LGR6: variants seen among roughly 807,000 people sequenced by gnomAD.
LGR6 encodes leucine rich repeat containing G protein-coupled receptor 6.
A neutral mutation model predicts 69.4 loss-of-function variants in LGR6; 45 were observed. The ratio of observed to expected loss-of-function variants is 0.65; its 90% confidence interval spans 0.51 to 0.83. The LOEUF is 0.83. Ranked by LOEUF, LGR6 falls within the 40% of genes least tolerant of loss-of-function variation. The pLI is 0.00. For synonymous variants in LGR6, 538 were observed against 555.0 expected (o/e 0.97, Z 0.43); for missense variants, 1,108 against 1,246.7 (o/e 0.89, Z 1.68).
chr1:202,239,379 GT>G (rs1661966417), intron 4 of LGR6, among the ~76,000 whole-genome samples: 2 of 130,818 alleles, frequency 1.5e-5, no homozygotes, highest in Admixed American at 7.4e-5. Context: ...GTGTGTGTGT[GT>G]GTGTGGTGTG....
At chr1:202,215,849 G>A (rs1195593131) in intron 1 of LGR6, among the ~76,000 whole-genome samples, 2 of 152,198 alleles carry the variant, frequency 1.3e-5, no homozygotes, top group African/African-American at 4.8e-5. Flanking sequence ...CTGAGATTAG[G>A]AGATGACAGT....
chr1:202,285,636 A>G (rs769231117), intron 6 of LGR6, among the ~76,000 whole-genome samples: 12 of 152,120 alleles, frequency 7.9e-5, no homozygotes, highest in Non-Finnish European at 1.5e-4. Context: ...TTAATGTTGG[A>G]TGGAATGTGT....
chr1:202,305,073 C>G (rs1424261307), intron 11 of LGR6, among the ~76,000 whole-genome samples: 1 of 152,198 alleles, frequency 6.6e-6, no homozygotes, highest in Middle Eastern at 3.4e-3. Context: ...ATCTGAGGCT[C>G]CTCATCAGGG....
chr1:202,271,241 C>T (rs777519073), intron 4 of LGR6, among the ~76,000 whole-genome samples: 7 of 152,110 alleles, frequency 4.6e-5, no homozygotes, highest in African/African-American at 9.7e-5. Context: ...ATTCTGCTGG[C>T]GGCTCGGAGA....
intron 1 of LGR6, among the ~76,000 whole-genome samples, chr1:202,220,672 C>T (rs969392851): frequency 2.0e-5 from 3 of 152,142 alleles, no homozygotes; most frequent in African/African-American, 7.2e-5. Flanking sequence ...GTGCTACATG[C>T]ATGGTAAGTG....
chr1:202,263,169 C>G (rs1339313245), intron 4 of LGR6, among the ~76,000 whole-genome samples: 2 of 152,104 alleles, frequency 1.3e-5, no homozygotes, highest in Non-Finnish European at 2.9e-5. Context: ...GTTGCCCAGG[C>G]TGGAGTGCAG....
rs772678480 is a variant in LGR6, at chr1:202,318,231, G to A, written c.1928G>A (p.Arg643Gln). 50 of 1,611,656 alleles carry A rather than the reference G, an allele frequency of 3.1e-5. No homozygotes were observed. The highest frequency in any genetic ancestry group is 2.3e-4 in the South Asian group (21 of 90,918). Residue 643 changes from arginine (R) to glutamine (Q), a missense_variant, in exon 18 of 18, where the codon CGG becomes CAG. Physicochemically the swap from Arg to Gln is conservative, Grantham distance 43 (BLOSUM62 1). Coordinates refer to ENST00000367278, the MANE Select transcript of LGR6 (RefSeq NM_001017403.2). ...CGCTGGGAGACGGGGCTAGGCTGCC[G>A]GGCCACTGGCTTCCTGGCAGTACTT... Reference protein sequence around the residue: ...GARWETGLGCRATGFLAVLGS... With the variant: ...GARWETGLGCQATGFLAVLGS...
At chr1:202,300,505 A>C (rs1327773423) in intron 7 of LGR6, among the ~76,000 whole-genome samples, 1 of 152,116 alleles carries the variant, frequency 6.6e-6, no homozygotes, top group African/African-American at 2.4e-5. Context: ...AAATCAAAAA[A>C]TTAGCGAGGT....
At position 202,225,463 on chromosome 1, in the gene LGR6, C is replaced by A. The variant is rs747891603; in HGVS notation, c.253C>A (p.Leu85Ile). 6.2e-7 allele frequency: 1 copy of A among 1,614,004 alleles called. No individual in the cohort carries two copies. The highest frequency in any genetic ancestry group is 8.5e-7 in the Non-Finnish European group (1 of 1,179,908). ...MNNLTELQPG[L>I]FHHLRFLEEL... ...CAACCTCACAGAGCTTCAGCCTGGC[C>A]TCTTCCACCACCTGCGCTTCTTGGA... Residue 85 changes from leucine (L) to isoleucine (I), a missense_variant, in exon 2 of 18, where the codon CTC (leucine) becomes ATC (isoleucine). By Grantham distance (5) the Leu-to-Ile change is conservative. Coordinates refer to ENST00000367278, the MANE Select transcript of LGR6 (RefSeq NM_001017403.2).
intron 7 of LGR6, 44 bp downstream of exon 7, chr1:202,297,620 G>A: frequency 6.5e-7 from 1 of 1,546,764 alleles, no homozygotes; most frequent in Non-Finnish European, 8.9e-7. Context: ...TCTGTCCCAA[G>A]GGCAGGGGCT....
Position 202,307,326 on chromosome 1 carries a change from G to A in LGR6, c.1209-4G>A, listed in dbSNP as rs544861799. On this transcript the variant is annotated splice_region_variant and splice_polypyrimidine_tract_variant and intron_variant, in intron 13 of 17. Coordinates refer to ENST00000367278, the MANE Select transcript of LGR6 (RefSeq NM_001017403.2). The stretch of plus-strand genomic sequence containing the variant: ...CCCTCCTGTCACACCCTCTCTGCCT[G>A]CAGGGATCTTAGCTGGAACGCCATC... The A allele has an allele frequency of 4.3e-6, 7 of 1,614,040 alleles. No individual in the cohort carries two copies. In the East Asian group the frequency reaches 1.3e-4, roughly 31 times the overall value.
chr1:202,240,915 A>G (rs909845435), intron 4 of LGR6, among the ~76,000 whole-genome samples: 31 of 152,192 alleles, frequency 2.0e-4, no homozygotes, highest in Admixed American at 2.0e-3. Flanking sequence ...CTAAAGCTAC[A>G]TGAGATGTTC....
rs978038496 is a variant in LGR6, at chr1:202,237,183, G to A, written c.428+1190G>A. On this transcript the variant is annotated intron_variant, in intron 4 of 17. Transcript: ENST00000367278. ...GCCTCCCTGCACTCTCTCAGCTTCTGCCCCCCCTTCCCAATGAGTGCTGGG... is the reference window on the plus strand; with the variant it reads ...GCCTCCCTGCACTCTCTCAGCTTCTACCCCCCCTTCCCAATGAGTGCTGGG... Among the ~76,000 whole-genome samples, 5 of 152,232 alleles carry A rather than the reference G, an allele frequency of 3.3e-5. No homozygotes were observed. The East Asian group carries it at 7.7e-4, about 24-fold the overall frequency.
At chr1:202,297,292 A>G (rs1447163399) in intron 6 of LGR6, among the ~76,000 whole-genome samples, 1 of 152,216 alleles carries the variant, frequency 6.6e-6, no homozygotes, top group Non-Finnish European at 1.5e-5. Flanking sequence ...CCCTCAGAAC[A>G]GTTCTGCAGC....
At chr1:202,218,374 C>T (rs1659923331) in intron 1 of LGR6, among the ~76,000 whole-genome samples, 1 of 152,170 alleles carries the variant, frequency 6.6e-6, no homozygotes, top group Non-Finnish European at 1.5e-5. Context: ...CCCTAGCTCA[C>T]TGCAGCTTCA....
intron 1 of LGR6, among the ~76,000 whole-genome samples, chr1:202,196,312 G>T (rs1356646813): frequency 6.6e-6 from 1 of 152,114 alleles, no homozygotes. Flanking sequence ...GCCCTCTCTG[G>T]AGAACAGCTC....
chr1:202,199,246 C>T (rs1658750125), intron 1 of LGR6, among the ~76,000 whole-genome samples: 1 of 152,016 alleles, frequency 6.6e-6, no homozygotes. Context: ...GCACCCAGAC[C>T]AGGGTGGGGA....
intron 9 of LGR6, among the ~76,000 whole-genome samples, chr1:202,301,788 G>A (rs1006689021): frequency 9.2e-5 from 14 of 152,028 alleles, no homozygotes; most frequent in South Asian, 4.1e-4. Context: ...AGGCTGAGGC[G>A]GGTGGATCAC....
At position 202,307,261 on chromosome 1, in the gene LGR6, G is replaced by C. The variant is rs535861752; in HGVS notation, c.1209-69G>C. ...GTCAGATGGGGGTATGTGAGGGGGA[G>C]CCCATGATGGGAACAGTGAGTCCTC... On this transcript the variant is annotated intron_variant, in intron 13 of 17. Coordinates refer to ENST00000367278, the MANE Select transcript of LGR6 (RefSeq NM_001017403.2). 99 of 1,455,276 alleles carry C rather than the reference G, an allele frequency of 6.8e-5. 1 individual carries two copies. The highest frequency in any genetic ancestry group is 1.5e-5 in the Non-Finnish European group (16 of 1,036,518). 90.1% of individuals were successfully genotyped at this position (1,455,276 alleles called of 1,614,324 possible).
Sources: allele counts gnomAD v4.1 joint callset (sites outside exome capture counted in the v4.1 genomes callset), GRCh38; gene constraint gnomAD v4.1.1; transcripts MANE v1.5; gene names NCBI Gene and HGNC (gene_info 2026-07-23, HGNC 2026-07-21).